Variants in ATP8A1 observed in about 807,000 individuals in gnomAD.
The protein encoded by ATP8A1 is phospholipid-transporting ATPase IA.
A neutral mutation model predicts 177.7 loss-of-function variants in ATP8A1; 90 were observed. The ratio of observed to expected loss-of-function variants is 0.51; its 90% confidence interval spans 0.43 to 0.60. The LOEUF (loss-of-function observed/expected upper bound fraction) is 0.60. Among genes scored for constraint, ATP8A1 ranks in the 20% least tolerant of loss-of-function variants. ATP8A1 has a pLI of 0.00. For missense variants in ATP8A1, 1,072 were observed against 1,392.8 expected (o/e 0.77, Z 3.67); for synonymous variants, 493 against 485.9 (o/e 1.01, Z -0.19).
intron 33 of ATP8A1, among the ~76,000 whole-genome samples, chr4:42,438,476 G>A (rs1232999259): frequency 6.6e-6 from 1 of 151,912 alleles, no homozygotes; most frequent in East Asian, 1.9e-4. Flanking sequence ...TGCTAATATT[G>A]CTGTTAAGAA....
chr4:42,487,957 G>A (rs1315420359), intron 24 of ATP8A1, among the ~76,000 whole-genome samples: 2 of 152,126 alleles, frequency 1.3e-5, no homozygotes, highest in African/African-American at 4.8e-5. Context: ...ATCAGGGATG[G>A]GGGGAGAGTA....
rs368892235 is a variant in ATP8A1 at position 42,412,907 on chromosome 4, C to A, written c.*9G>T. 6.2e-7 allele frequency: 1 copy of A among 1,612,586 alleles called. No individual in the cohort carries two copies. Among genetic ancestry groups the A allele is most frequent in the Non-Finnish European group, 8.5e-7 (1 of 1,178,872 alleles). On this transcript the variant is annotated 3_prime_UTR_variant, in exon 37 of 37. Coordinates refer to ENST00000381668, the MANE Select transcript of ATP8A1 (RefSeq NM_006095.2). ...GAGGTAACAGAGCCTGCCTTTCAGG[C>A]TCTCCCCATCACCATTCGTCGGGCC...
chr4:42,557,380 T>C (rs889457092), intron 15 of ATP8A1, among the ~76,000 whole-genome samples: 1 of 152,198 alleles, frequency 6.6e-6, no homozygotes, highest in Admixed American at 6.5e-5. Flanking sequence ...TTTATGAAAT[T>C]TTCCTATTAA....
Position 42,551,299 on chromosome 4 carries a change from T to C in ATP8A1, c.1520-19A>G. The C allele has an allele frequency of 6.3e-7, 1 of 1,585,494 alleles. No homozygotes were observed. ...CCCTCATCTGTTTTAGAAAAAGAGG[T>C]AAAAGCAAACACATGATTGAAAAAA... On this transcript the variant is annotated intron_variant, in intron 17 of 36. Transcript: ENST00000381668.
At chr4:42,485,936 T>A (rs1722154873) in intron 24 of ATP8A1, among the ~76,000 whole-genome samples, 1 of 152,178 alleles carries the variant, frequency 6.6e-6, no homozygotes, top group African/African-American at 2.4e-5. Flanking sequence ...GTTTCTCAGG[T>A]GATTCTGTAG....
chr4:42,534,697 G>A (rs1428473395), intron 20 of ATP8A1, among the ~76,000 whole-genome samples: 3 of 152,006 alleles, frequency 2.0e-5, no homozygotes, highest in Non-Finnish European at 2.9e-5. Context: ...TCATCACCTC[G>A]GCACATAGTC....
intron 30 of ATP8A1, among the ~76,000 whole-genome samples, chr4:42,450,995 A>G (rs1455141764): frequency 6.6e-6 from 1 of 152,170 alleles, no homozygotes; most frequent in Non-Finnish European, 1.5e-5. Flanking sequence ...AGGCTTCTTG[A>G]GCACAGACCT....
intron 4 of ATP8A1, among the ~76,000 whole-genome samples, chr4:42,623,009 C>CAAA (rs200111147): frequency 3.4e-5 from 4 of 116,134 alleles, no homozygotes; most frequent in Non-Finnish European, 5.3e-5. Flanking sequence ...AACTCTGTCT[C>CAAA]AAAAAAAAAA....
At chr4:42,522,431 T>A in intron 21 of ATP8A1, 132 bp from the exon 22 acceptor site, 2 of 1,046,680 alleles carry the variant, frequency 1.9e-6, no homozygotes, top group Non-Finnish European at 2.8e-6. Context: ...GAAGTCCAAT[T>A]AAATTATGAC....
intron 11 of ATP8A1, among the ~76,000 whole-genome samples, chr4:42,579,279 T>C (rs73164760): frequency 0.017 from 2,532 of 151,134 alleles, 73 homozygotes; most frequent in African/African-American, 0.059. Context: ...TGAAAATACA[T>C]TGGGTTTAAA....
chr4:42,607,327 TAA>T (rs376805804), intron 5 of ATP8A1, among the ~76,000 whole-genome samples: 5 of 151,808 alleles, frequency 3.3e-5, no homozygotes, highest in African/African-American at 1.2e-4. Context: ...GCTCACAACA[TAA>T]AAAAAAGTTT....
intron 29 of ATP8A1, 95 bp from the exon 30 acceptor site, chr4:42,452,154 T>C (rs1717996999): frequency 1.2e-6 from 1 of 863,716 alleles, no homozygotes; most frequent in Non-Finnish European, 1.9e-6. Context: ...ATTCACAAAA[T>C]GTGTTTCTGT....
intron 23 of ATP8A1, 87 bp from the exon 24 acceptor site, chr4:42,503,601 T>C (rs2153193480): frequency 2.3e-6 from 2 of 859,378 alleles, no homozygotes; most frequent in South Asian, 2.0e-5. Flanking sequence ...TATGAAAATA[T>C]CTAAAGATGA....
intron 33 of ATP8A1, among the ~76,000 whole-genome samples, chr4:42,441,012 T>C (rs1223288308): frequency 6.6e-6 from 1 of 152,208 alleles, no homozygotes; most frequent in African/African-American, 2.4e-5. Flanking sequence ...TAGATACTTA[T>C]GACCCTGTTA....
At chr4:42,624,772 A>G (rs1329482810) in intron 3 of ATP8A1, 138 bp from the exon 4 acceptor site, 5 of 452,816 alleles carry the variant, frequency 1.1e-5, no homozygotes, top group African/African-American at 8.1e-5. Flanking sequence ...TGAGTGAGGT[A>G]ATGTGTTCGT....
At chr4:42,456,833 C>T (rs1176841290) in intron 27 of ATP8A1, among the ~76,000 whole-genome samples, 6 of 152,128 alleles carry the variant, frequency 3.9e-5, no homozygotes, top group African/African-American at 1.2e-4. Context: ...ATTTGCTACA[C>T]TTCACGTTTC....
At chr4:42,429,361 T>A (rs896334069) in intron 33 of ATP8A1, among the ~76,000 whole-genome samples, 20 of 151,948 alleles carry the variant, frequency 1.3e-4, no homozygotes, top group Admixed American at 1.3e-3. Flanking sequence ...AAGAAAGGTA[T>A]GATACCTGGA....
chr4:42,456,897 T>C (rs1718548779), intron 27 of ATP8A1, among the ~76,000 whole-genome samples: 1 of 152,156 alleles, frequency 6.6e-6, no homozygotes, highest in Non-Finnish European at 1.5e-5. Context: ...TTTATCAATA[T>C]ATACCCAGGC....
At chr4:42,615,905 A>C in intron 5 of ATP8A1, 128 bp downstream of exon 5, 1 of 794,288 alleles carries the variant, frequency 1.3e-6, no homozygotes, top group Non-Finnish European at 2.0e-6. Flanking sequence ...CAAAGCAAAA[A>C]TCAATCTACC....
Sources: gnomAD v4.1 joint callset for allele counts (sites outside exome capture counted in the v4.1 genomes callset) on GRCh38, gnomAD v4.1.1 for gene constraint, MANE v1.5 for transcripts, NCBI Gene and HGNC (gene_info 2026-07-23, HGNC 2026-07-21) for gene names.